NEDD4L: variants seen among roughly 807,000 people sequenced by gnomAD.
NEDD4L encodes E3 ubiquitin-protein ligase NEDD4-like.
Under a neutral mutation model 148.9 loss-of-function variants are expected in NEDD4L, and 54 were observed. The observed-to-expected ratio is 0.36, with a 90% CI of 0.29 to 0.45. The LOEUF (loss-of-function observed/expected upper bound fraction) is 0.45. Ranked by LOEUF, NEDD4L falls within the 20% of genes least tolerant of loss-of-function variation. The pLI is 1.00. For missense variants in NEDD4L, 856 were observed against 1,233.8 expected (o/e 0.69, Z 4.59); for synonymous variants, 433 against 440.7 (o/e 0.98, Z 0.22).
At position 58,256,315 on chromosome 18, in the gene NEDD4L, G is replaced by A. The variant is rs2048556550; in HGVS notation, c.297+4261G>A. 1.6e-6 allele frequency: 2 copies of A among 1,231,790 alleles called. No individual in the cohort carries two copies. Among genetic ancestry groups the A allele is most frequent in the Non-Finnish European group, 2.0e-6 (2 of 987,896 alleles). The allele number at this position is 1,231,790 out of a possible 1,614,324, so 76.3% of individuals were successfully genotyped here. ...CGGCCGCGGCAGAGCCCAGGCGCTG[G>A]TCCCTGCAGCACGTTCCAGATGCTT... is the stretch of plus-strand genomic sequence containing the variant. On this transcript the variant is annotated intron_variant, in intron 5 of 30. Transcript: ENST00000400345. The surrounding 1 kb of genome is among the most constrained non-coding windows in gnomAD (Gnocchi z 5.2).
Position 58,342,971 on chromosome 18 carries a change from G to T in NEDD4L, c.1443G>T (p.Gln481His). 1 of 1,613,812 alleles carries T rather than the reference G, an allele frequency of 6.2e-7. No homozygotes were observed. The highest frequency in any genetic ancestry group is 8.5e-7 in the Non-Finnish European group (1 of 1,179,830). ...CCCTTTCCAACCCACAGTCCCCACA[G>T]CCATCACCTTACAACTCCCCCAAAC... The part of the protein sequence containing the change: ...KDTLSNPQSP[Q>H]PSPYNSPKPQ... Residue 481 changes from glutamine to histidine, a missense_variant, in exon 16 of 31, where the codon CAG becomes CAT. Physicochemically the swap from Gln to His is conservative, Grantham distance 24 (BLOSUM62 0). Around this residue, in one of 4 missense-constraint regions of NEDD4L, gnomAD observed 367 missense variants for 422.7 expected, o/e 0.87. Transcript: ENST00000400345.
rs148110503 is a variant in NEDD4L, at chr18:58,275,394, T to C, written c.297+23340T>C. Among the ~76,000 whole-genome samples, 4 of 152,274 alleles carry C rather than the reference T, an allele frequency of 2.6e-5. No individual in the cohort carries two copies. The East Asian group carries it at 7.7e-4, about 29-fold the overall frequency. ...AGTGAGCTCATGCAGCTCAAACCCA[T>C]CTTGTTCAAGGGTCAACTGTACTTG... On this transcript the variant is annotated intron_variant, in intron 5 of 30. Transcript: ENST00000400345.
At chr18:58,050,856 G>T (rs1762510291) in intron 1 of NEDD4L, among the ~76,000 whole-genome samples, 1 of 152,192 alleles carries the variant, frequency 6.6e-6, no homozygotes, top group Non-Finnish European at 1.5e-5. Context: ...TACCATTACA[G>T]AATGCAATTC....
chr18:58,391,423 C>T, intron 29 of NEDD4L, 64 bp from the exon 30 acceptor site: 1 of 1,344,158 alleles, frequency 7.4e-7, no homozygotes, highest in Non-Finnish European at 1.0e-6. Context: ...GACTGCAGAC[C>T]ACACCATAGC....
intron 1 of NEDD4L, among the ~76,000 whole-genome samples, chr18:58,131,450 C>T (rs1000657238): frequency 2.0e-5 from 3 of 149,420 alleles, no homozygotes; most frequent in Non-Finnish European, 1.5e-5. Flanking sequence ...TCTAGCAGAA[C>T]TGTGGTGGTG....
intron 2 of NEDD4L, among the ~76,000 whole-genome samples, chr18:58,167,275 C>T (rs1171456375): frequency 2.0e-5 from 3 of 152,194 alleles, no homozygotes; most frequent in Non-Finnish European, 2.9e-5. Flanking sequence ...CACCATGTGC[C>T]TGCACTCATG....
Position 58,399,128 on chromosome 18 carries a change from G to T in NEDD4L, c.*2859G>T, listed in dbSNP as rs1013321378. The T allele has an allele frequency of 6.6e-6, 1 of 152,246 alleles. No homozygotes were observed. Among genetic ancestry groups the T allele is most frequent in the Non-Finnish European group, 1.5e-5 (1 of 68,056 alleles). 9.4% of individuals were successfully genotyped at this position (152,246 alleles called of 1,614,324 possible). On this transcript the variant is annotated 3_prime_UTR_variant, in exon 31 of 31. Coordinates refer to ENST00000400345, the MANE Select transcript of NEDD4L (RefSeq NM_001144967.3). ...TATCACAGCTGCCTGTGGGTCCCGG[G>T]TATTTCCATTCCTGCCCCTTGTTGG...
At chr18:58,274,374 C>T (rs559229640) in intron 5 of NEDD4L, among the ~76,000 whole-genome samples, 141 of 152,262 alleles carry the variant, frequency 9.3e-4, no homozygotes, top group African/African-American at 3.0e-3. Context: ...ACTTTGCCTC[C>T]GCCTGTACGT....
intron 5 of NEDD4L, among the ~76,000 whole-genome samples, chr18:58,293,464 A>C (rs2055069086): frequency 6.6e-6 from 1 of 152,194 alleles, no homozygotes; most frequent in Admixed American, 6.5e-5. Flanking sequence ...TAATTACCAT[A>C]TGTTTCAATG....
intron 1 of NEDD4L, among the ~76,000 whole-genome samples, chr18:58,153,527 A>T (rs2035064279): frequency 6.6e-6 from 1 of 151,882 alleles, no homozygotes; most frequent in Admixed American, 6.6e-5. Flanking sequence ...TTTAGTAGAT[A>T]TGGGGTTTCA....
intron 5 of NEDD4L, among the ~76,000 whole-genome samples, chr18:58,283,125 G>A (rs899321905): frequency 6.6e-6 from 1 of 152,054 alleles, no homozygotes; most frequent in Non-Finnish European, 1.5e-5. Flanking sequence ...GCCCAGGCTG[G>A]AGCGCAGTGG....
At chr18:58,308,944 C>T (rs560857019) in intron 5 of NEDD4L, among the ~76,000 whole-genome samples, 7 of 152,354 alleles carry the variant, frequency 4.6e-5, no homozygotes, top group South Asian at 2.1e-4. Context: ...CCGCACCTTC[C>T]GTGTCCTGAG....
chr18:58,149,279 A>G, intron 1 of NEDD4L: 2 of 745,526 alleles, frequency 2.7e-6, no homozygotes, highest in Non-Finnish European at 3.7e-6. Flanking sequence ...CTTGGTGTCC[A>G]GGTGGCAGGT....
intron 11 of NEDD4L, 27 bp from the exon 12 acceptor site, chr18:58,333,791 G>A: frequency 6.4e-7 from 1 of 1,571,260 alleles, no homozygotes. Context: ...ATTTCTTGAT[G>A]CTTCCTGTCT....
At chr18:58,147,690 G>A (rs1433974640) in intron 1 of NEDD4L, among the ~76,000 whole-genome samples, 1 of 152,144 alleles carries the variant, frequency 6.6e-6, no homozygotes. Flanking sequence ...GGTGAGGAGG[G>A]AGACGGCCTC....
At chr18:58,083,667 G>A (rs1052985010) in intron 1 of NEDD4L, among the ~76,000 whole-genome samples, 5 of 145,392 alleles carry the variant, frequency 3.4e-5, no homozygotes, top group African/African-American at 7.8e-5. Context: ...CAGCCTGGGC[G>A]ACAGAGCGAG....
intron 2 of NEDD4L, among the ~76,000 whole-genome samples, chr18:58,219,741 A>C (rs2043533469): frequency 6.6e-6 from 1 of 152,152 alleles, no homozygotes; most frequent in Non-Finnish European, 1.5e-5. Flanking sequence ...CTCTCTCTAA[A>C]TACAGTCACC....
At chr18:58,218,683 C>A (rs373004089) in intron 2 of NEDD4L, among the ~76,000 whole-genome samples, 1 of 152,166 alleles carries the variant, frequency 6.6e-6, no homozygotes, top group Non-Finnish European at 1.5e-5. Context: ...CACATCGAAT[C>A]CCCCACAACC....
chr18:58,151,600 G>C (rs996049815), intron 1 of NEDD4L, among the ~76,000 whole-genome samples: 4 of 136,866 alleles, frequency 2.9e-5, no homozygotes, highest in South Asian at 2.3e-4. Flanking sequence ...GGGTGATTGT[G>C]AAGATGAGGT....
Sources: gnomAD v4.1 joint callset for allele counts (sites outside exome capture counted in the v4.1 genomes callset) on GRCh38, gnomAD v4.1.1 for gene constraint, gnomAD v4.1.1 regional missense constraint, Gnocchi (gnomAD v3.1) non-coding constraint, MANE v1.5 for transcripts, NCBI Gene and HGNC (gene_info 2026-07-23, HGNC 2026-07-21) for gene names.